KNTC1: variants seen among roughly 807,000 people sequenced by gnomAD.
KNTC1 encodes kinetochore-associated protein 1.
In KNTC1, 253 loss-of-function variants were observed where a neutral mutation model predicts 314.4. The observed-to-expected ratio is 0.80, with a 90% confidence interval of 0.73 to 0.89. The LOEUF (loss-of-function observed/expected upper bound fraction) is 0.89, where lower values mean the gene tolerates loss of function less well. KNTC1 is among the 40% of genes least tolerant of loss of function. The pLI is 0.00. For missense variants in KNTC1, 2,475 were observed against 2,572.9 expected (o/e 0.96, Z 0.82); for synonymous variants, 901 against 901.4 (o/e 1.00, Z 0.01).
intron 18 of KNTC1, among the ~76,000 whole-genome samples, chr12:122,559,642 G>T (rs1221556708): frequency 6.6e-6 from 1 of 151,546 alleles, no homozygotes; most frequent in African/African-American, 2.4e-5. Flanking sequence ...GTGTGATCTC[G>T]GCTCACTGCA....
intron 16 of KNTC1, among the ~76,000 whole-genome samples, chr12:122,553,986 AATATTT>A (rs1963376045): frequency 6.6e-6 from 1 of 150,962 alleles, no homozygotes; most frequent in African/African-American, 2.4e-5. Flanking sequence ...TTAAAGAATT[AATATTT>A]ACTAAGTGGG....
At chr12:122,562,439 T>TTTTG (rs370627145) in intron 19 of KNTC1, among the ~76,000 whole-genome samples, 199 bp from the exon 20 acceptor site, 4,065 of 145,062 alleles carry the variant, frequency 0.028, 196 homozygotes, top group African/African-American at 0.099. Context: ...ATCCCATGTT[T>TTTTG]TGTGTGTGTG....
At chr12:122,592,115 G>C (rs1044605611) in intron 42 of KNTC1, among the ~76,000 whole-genome samples, 19 of 150,494 alleles carry the variant, frequency 1.3e-4, no homozygotes, top group Non-Finnish European at 2.8e-4. Flanking sequence ...CCCTGCACTC[G>C]GAGCGGCCGG....
In KNTC1 at chr12:122,544,255, C is replaced by T. The variant is rs1593501090; in HGVS notation, c.655C>T (p.Pro219Ser). The T allele has an allele frequency of 6.5e-7, 1 of 1,550,038 alleles. No individual in the cohort carries two copies. Among genetic ancestry groups the T allele is most frequent in the Non-Finnish European group, 8.8e-7 (1 of 1,140,480 alleles). The change falls in exon 8 of 64, where the codon CCT becomes TCT. Residue 219 changes from proline (P) to serine (S), a missense_variant. Pro to Ser is a moderately conservative substitution (Grantham distance 74, BLOSUM62 -1). Coordinates refer to ENST00000333479, the MANE Select transcript of KNTC1 (RefSeq NM_014708.6). Reference sequence around the variant, plus strand: ...GGCTGGAGATTTAGCAAGTGAAGTTCCTGTGATAATTGGGGTAATTGTTTT... The same window carrying T: ...GGCTGGAGATTTAGCAAGTGAAGTTTCTGTGATAATTGGGGTAATTGTTTT... ...LVAGDLASEV[P>S]VIIGGTGNCA...
At chr12:122,598,684 G>T (rs189566802) in intron 44 of KNTC1, among the ~76,000 whole-genome samples, 1 of 152,172 alleles carries the variant, frequency 6.6e-6, no homozygotes, top group Admixed American at 6.5e-5. Context: ...GCCTCCCAAA[G>T]TGCTAGGAAT....
chr12:122,589,471 GTTT>G (rs11352437), intron 40 of KNTC1, among the ~76,000 whole-genome samples: 6 of 126,776 alleles, frequency 4.7e-5, no homozygotes, highest in Admixed American at 7.9e-5. Context: ...AAAAAATTGT[GTTT>G]TTTTTTTTTT....
intron 5 of KNTC1, 104 bp from the exon 6 acceptor site, chr12:122,541,946 C>T (rs544400019): frequency 2.5e-5 from 28 of 1,098,870 alleles, no homozygotes; most frequent in Admixed American, 1.0e-4. Flanking sequence ...ACCCTAGAGG[C>T]GGAGGTTGCA....
intron 63 of KNTC1, 63 bp from the exon 64 acceptor site, chr12:122,626,142 C>T (rs1288595537): frequency 1.7e-6 from 2 of 1,144,436 alleles, no homozygotes; most frequent in African/African-American, 3.0e-5. Context: ...GTTTATCTGA[C>T]CATTTTCAAT....
chr12:122,588,849 GTTTT>G, intron 40 of KNTC1, 33 bp downstream of exon 40: 2 of 1,224,476 alleles, frequency 1.6e-6, no homozygotes, highest in South Asian at 1.7e-5. Context: ...AATTTTGTTT[GTTTT>G]TTTTTTGCCT....
Position 122,549,787 on chromosome 12 carries a change from T to TC in KNTC1, c.1010dup (p.Leu338IlefsTer14), listed in dbSNP as rs1593515210. The TC allele has an allele frequency of 6.5e-7, 1 of 1,538,656 alleles. No homozygotes were observed. The highest frequency in any genetic ancestry group is 8.9e-7 in the Non-Finnish European group (1 of 1,125,502). ...TTAGATGAAAAACCTCATGGTTTATTCATTACCTACAATGGAAATACTATA... is the reference window on the plus strand; with the variant it reads ...TTAGATGAAAAACCTCATGGTTTATTCCATTACCTACAATGGAAATACTATA... On this transcript the variant is annotated frameshift_variant, in exon 13 of 64. Transcript: ENST00000333479. LOFTEE classifies it high-confidence loss of function.
chr12:122,584,194 G>A, intron 34 of KNTC1, 84 bp from the exon 35 acceptor site: 1 of 886,404 alleles, frequency 1.1e-6, no homozygotes, highest in Non-Finnish European at 1.8e-6. Context: ...GTTGATGGTG[G>A]TGGTGATATA....
intron 12 of KNTC1, 48 bp from the exon 13 acceptor site, chr12:122,549,718 C>G (rs1417126040): frequency 4.3e-6 from 4 of 923,536 alleles, no homozygotes; most frequent in Non-Finnish European, 5.2e-6. Context: ...TTTGTACTTG[C>G]ATGTTTAAAT....
intron 59 of KNTC1, among the ~76,000 whole-genome samples, chr12:122,619,213 A>C (rs1034574194): frequency 1.3e-5 from 2 of 149,070 alleles, no homozygotes; most frequent in Non-Finnish European, 3.0e-5. Flanking sequence ...ACGTGCCACC[A>C]TGCCAGGCTA....
At chr12:122,543,521 A>C (rs1962510057) in intron 6 of KNTC1, 79 bp from the exon 7 acceptor site, 1 of 1,076,604 alleles carries the variant, frequency 9.3e-7, no homozygotes, top group Admixed American at 2.8e-5. Context: ...ATTTAATTTC[A>C]CCTTGACACA....
At chr12:122,569,937 C>A in intron 22 of KNTC1, 113 bp downstream of exon 22, 1 of 872,784 alleles carries the variant, frequency 1.1e-6, no homozygotes, top group Non-Finnish European at 1.7e-6. Context: ...TAAGCTAACA[C>A]CTGTGTTAAT....
At chr12:122,597,981 T>C (rs1871297108) in intron 44 of KNTC1, 43 bp downstream of exon 44, 4 of 1,462,716 alleles carry the variant, frequency 2.7e-6, no homozygotes, top group Admixed American at 3.4e-5. Context: ...CAGCCATCCC[T>C]CCCACCCTTA....
intron 45 of KNTC1, chr12:122,602,248 A>C (rs953340292): frequency 5.5e-6 from 1 of 181,936 alleles, no homozygotes; most frequent in South Asian, 1.6e-4. Flanking sequence ...TGTAGCCTCT[A>C]TATTTAAAAT....
At chr12:122,556,753 G>A (rs183519999) in intron 16 of KNTC1, among the ~76,000 whole-genome samples, 30 of 151,674 alleles carry the variant, frequency 2.0e-4, no homozygotes, top group African/African-American at 6.3e-4. Context: ...GTGAGCCACC[G>A]TGCCCGACCT....
At chr12:122,611,006 G>A in intron 53 of KNTC1, 106 bp downstream of exon 53, 1 of 785,346 alleles carries the variant, frequency 1.3e-6, no homozygotes, top group South Asian at 1.5e-5. Flanking sequence ...TTCAGATAAT[G>A]CTCACGTACA....
Sources: gnomAD v4.1 joint callset for allele counts (sites outside exome capture counted in the v4.1 genomes callset) on GRCh38, gnomAD v4.1.1 for gene constraint, MANE v1.5 for transcripts, NCBI Gene and HGNC (gene_info 2026-07-23, HGNC 2026-07-21) for gene names.